Variants in GRM5 observed in about 807,000 individuals in gnomAD.
GRM5 encodes the protein metabotropic glutamate receptor 5.
In GRM5, 19 loss-of-function variants were observed where a neutral mutation model predicts 83.1. That is an observed-to-expected ratio of 0.23 (90% CI 0.16 to 0.34). The LOEUF (loss-of-function observed/expected upper bound fraction) is 0.34, where lower values mean the gene tolerates loss of function less well. Ranked by LOEUF, GRM5 falls within the 10% of genes least tolerant of loss-of-function variation. The pLI is 1.00. For missense variants in GRM5, 1,160 were observed against 1,588.3 expected, an observed-to-expected ratio of 0.73 and a Z score of 4.58; for synonymous variants, 675 against 633.6, an observed-to-expected ratio of 1.07 and a Z score of -0.98.
At chr11:88,706,019 C>A (rs1272753086) in intron 3 of GRM5, among the ~76,000 whole-genome samples, 1 of 152,000 alleles carries the variant, frequency 6.6e-6, no homozygotes, top group East Asian at 1.9e-4. Flanking sequence ...AATGAAGAAA[C>A]TAAGACTCAC....
rs1555050446 is a variant in GRM5, at chr11:88,967,252, T to TATATATATATATATATACAC, written c.661+79959_661+79960insGTGTATATATATATATATAT. On this transcript the variant is annotated intron_variant, in intron 2 of 9. Coordinates refer to ENST00000305447, the MANE Select transcript of GRM5 (RefSeq NM_001143831.3). ...GTATGTATATATATATATACACATATATATATATATATATATATATATATA... is the reference window on the plus strand; with the variant it reads ...GTATGTATATATATATATACACATATATATATATATATATATACACATATATATATATATATATATATATA... Among the ~76,000 whole-genome samples, 52 of 16,124 alleles carry TATATATATATATATATACAC rather than the reference T, an allele frequency of 3.2e-3. 1 individual carries two copies. The South Asian group carries it at 0.037, about 12-fold the overall frequency. 10.6% of individuals were successfully genotyped at this position (16,124 alleles called of 152,430 possible). A position where few individuals can be genotyped will look rare whatever the true frequency, so the allele number is the denominator to read the frequency against.
At chr11:89,034,896 G>T in intron 2 of GRM5, among the ~76,000 whole-genome samples, 1 of 137,132 alleles carries the variant, frequency 7.3e-6, no homozygotes, top group Admixed American at 7.7e-5. Context: ...AGGCTTTGCT[G>T]TTATCAATTT....
chr11:88,998,076 T>A (rs1940251674), intron 2 of GRM5, among the ~76,000 whole-genome samples: 5 of 124,906 alleles, frequency 4.0e-5, no homozygotes, highest in African/African-American at 6.2e-5. Context: ...AGAAGAAAAA[T>A]AGTAAAGAGA....
chr11:88,719,671 C>A (rs113294449), intron 3 of GRM5, among the ~76,000 whole-genome samples: 1 of 151,990 alleles, frequency 6.6e-6, no homozygotes, highest in Non-Finnish European at 1.5e-5. Flanking sequence ...TAATAATTTA[C>A]ACTCCCACCA....
intron 3 of GRM5, among the ~76,000 whole-genome samples, chr11:88,729,807 T>G (rs1428585831): frequency 1.3e-5 from 2 of 152,182 alleles, no homozygotes; most frequent in Non-Finnish European, 2.9e-5. Context: ...TAAATGGTGT[T>G]GGGAAAACTG....
At chr11:88,847,433 G>A (rs1053277670) in intron 3 of GRM5, among the ~76,000 whole-genome samples, 1 of 152,132 alleles carries the variant, frequency 6.6e-6, no homozygotes, top group Non-Finnish European at 1.5e-5. Context: ...TTGATAAATG[G>A]TCCTATAAAT....
At chr11:88,682,235 T>C (rs995819397) in intron 3 of GRM5, among the ~76,000 whole-genome samples, 1 of 152,212 alleles carries the variant, frequency 6.6e-6, no homozygotes, top group Non-Finnish European at 1.5e-5. Context: ...CAGACTCATC[T>C]ACTCTCTATG....
Position 88,509,044 on chromosome 11 carries a change from T to C in GRM5, c.3187A>G (p.Ser1063Gly). 1 of 1,560,140 alleles carries C rather than the reference T, an allele frequency of 6.4e-7. No homozygotes were observed. Among genetic ancestry groups the C allele is most frequent in the Non-Finnish European group, 8.7e-7 (1 of 1,151,586 alleles). Reference protein sequence around the residue: ...SQGSLMEQISSVVTRFTANIS... With the variant: ...SQGSLMEQISGVVTRFTANIS... ...TTGGCCGTGAAGCGGGTGACCACAC[T>C]GCTGATCTGCTCCATGAGGGAGCCC... The change falls in exon 10 of 10, where the codon AGT becomes GGT. Residue 1063 changes from serine (S) to glycine (G), a missense_variant. Ser to Gly is a moderately conservative substitution (Grantham distance 56). Coordinates refer to ENST00000305447, the MANE Select transcript of GRM5 (RefSeq NM_001143831.3).
chr11:88,675,094 A>G (rs1940292052), intron 3 of GRM5, among the ~76,000 whole-genome samples: 1 of 151,738 alleles, frequency 6.6e-6, no homozygotes, highest in East Asian at 1.9e-4. Flanking sequence ...TCATTTTCCT[A>G]TATTCTGGCT....
At chr11:88,605,689 A>C (rs1409793953) in intron 4 of GRM5, among the ~76,000 whole-genome samples, 1 of 152,222 alleles carries the variant, frequency 6.6e-6, no homozygotes, top group Non-Finnish European at 1.5e-5. Flanking sequence ...GAATATAATA[A>C]ATCTGTAAAA....
chr11:89,051,942 T>C (rs1376867093), intron 1 of GRM5, among the ~76,000 whole-genome samples: 3 of 152,204 alleles, frequency 2.0e-5, no homozygotes, highest in Non-Finnish European at 4.4e-5. Context: ...GTCAGATATA[T>C]TTTCCAAGTT....
chr11:88,739,770 C>A (rs559005520), intron 3 of GRM5, among the ~76,000 whole-genome samples: 2 of 152,126 alleles, frequency 1.3e-5, no homozygotes, highest in African/African-American at 4.8e-5. Flanking sequence ...CTGAGGCCTC[C>A]CCAGCCATGT....
At chr11:88,957,844 A>T (rs1293630381) in intron 2 of GRM5, among the ~76,000 whole-genome samples, 2 of 152,154 alleles carry the variant, frequency 1.3e-5, no homozygotes, top group Non-Finnish European at 2.9e-5. Flanking sequence ...GTTTACAAAA[A>T]AAGTATCCAA....
At chr11:89,058,018 C>A (rs1941913116) in intron 1 of GRM5, among the ~76,000 whole-genome samples, 1 of 152,040 alleles carries the variant, frequency 6.6e-6, no homozygotes, top group Non-Finnish European at 1.5e-5. Flanking sequence ...AGAACCAGGA[C>A]ATGAATCCAA....
chr11:88,978,650 A>G (rs1407649537), intron 2 of GRM5, among the ~76,000 whole-genome samples: 1 of 152,154 alleles, frequency 6.6e-6, no homozygotes, highest in Non-Finnish European at 1.5e-5. Context: ...ATGTCAAGAA[A>G]TTAAATTTTA....
intron 2 of GRM5, among the ~76,000 whole-genome samples, chr11:88,954,966 A>G (rs1243129043): frequency 6.6e-6 from 1 of 152,246 alleles, no homozygotes; most frequent in East Asian, 1.9e-4. Context: ...TTCCAAAATA[A>G]TAAAATACAT....
At chr11:88,928,510 T>C (rs181540928) in intron 2 of GRM5, among the ~76,000 whole-genome samples, 106 of 150,608 alleles carry the variant, frequency 7.0e-4, no homozygotes, top group Middle Eastern at 3.5e-3. Flanking sequence ...ATATATGTAC[T>C]ATTAATTCAT....
At chr11:88,834,856 G>A (rs1057299373) in intron 3 of GRM5, among the ~76,000 whole-genome samples, 3 of 152,146 alleles carry the variant, frequency 2.0e-5, no homozygotes, top group Non-Finnish European at 2.9e-5. Context: ...CTTTTAGCTG[G>A]CTTACTTGCA....
rs142476344 is a variant in GRM5 at position 88,858,583 on chromosome 11, G to A, written c.662-8428C>T. On this transcript the variant is annotated intron_variant, in intron 2 of 9. Coordinates refer to ENST00000305447, the MANE Select transcript of GRM5 (RefSeq NM_001143831.3). ...AATCAGATTATTTAAAGAAGAATAC[G>A]TGACAGTTTTAACTGCCATACATGT... 6.4e-3 allele frequency among the ~76,000 whole-genome samples: 975 copies of A among 152,064 alleles called. 10 individuals are homozygous for A. The highest frequency in any genetic ancestry group is 0.021 in the African/African-American group (890 of 41,524).
Sources: gnomAD v4.1 joint callset for allele counts (sites outside exome capture counted in the v4.1 genomes callset) on GRCh38, gnomAD v4.1.1 for gene constraint, MANE v1.5 for transcripts, NCBI Gene and HGNC (gene_info 2026-07-23, HGNC 2026-07-21) for gene names.